Variants in AP3B1 observed in about 807,000 individuals in gnomAD.
The protein encoded by AP3B1 is adaptor related protein complex 3 subunit beta 1.
AP3B1 carries 61 observed loss-of-function variants against 132.5 expected under a neutral mutation model. The observed-to-expected ratio is 0.46, with a 90% CI of 0.37 to 0.57. The LOEUF is 0.57. Among genes scored for constraint, AP3B1 ranks in the 20% least tolerant of loss-of-function variants. The probability of loss-of-function intolerance (pLI) is 0.00; values close to 1 mark genes in which losing one functional copy is unlikely to be tolerated. For synonymous variants in AP3B1, 388 were observed against 438.3 expected, an observed-to-expected ratio of 0.89 and a Z score of 1.43; for missense variants, 1,120 against 1,289.4, an observed-to-expected ratio of 0.87 and a Z score of 2.01.
At chr5:78,260,182 G>GA (rs200235906) in intron 2 of AP3B1, among the ~76,000 whole-genome samples, 26 of 150,008 alleles carry the variant, frequency 1.7e-4, no homozygotes, top group African/African-American at 5.6e-4. Context: ...TTTTCCCATG[G>GA]AAAAAAAAAT....
chr5:78,214,886 C>T (rs10474529), intron 7 of AP3B1, among the ~76,000 whole-genome samples: 41,444 of 151,924 alleles, frequency 0.27, 5,857 homozygotes, highest in Middle Eastern at 0.34. Flanking sequence ...TCAAAACATA[C>T]TTCAATTTTT....
intron 7 of AP3B1, among the ~76,000 whole-genome samples, chr5:78,207,281 ATC>A (rs1327049152): frequency 1.4e-5 from 2 of 146,744 alleles, no homozygotes; most frequent in Non-Finnish European, 3.0e-5. Flanking sequence ...AAAAAAAATT[ATC>A]AAGTATGATG....
At chr5:78,049,862 G>A (rs1262573797) in intron 22 of AP3B1, among the ~76,000 whole-genome samples, 1 of 152,058 alleles carries the variant, frequency 6.6e-6, no homozygotes, top group East Asian at 1.9e-4. Flanking sequence ...ACCAAACTCC[G>A]TGATATGAGT....
chr5:78,229,973 C>T (rs1360882545), intron 3 of AP3B1, among the ~76,000 whole-genome samples: 1 of 152,068 alleles, frequency 6.6e-6, no homozygotes, highest in Non-Finnish European at 1.5e-5. Context: ...AGTTCCTCTA[C>T]CATCCTGTTT....
chr5:78,059,191 C>T (rs1202078821), intron 22 of AP3B1, among the ~76,000 whole-genome samples: 1 of 152,180 alleles, frequency 6.6e-6, no homozygotes, highest in African/African-American at 2.4e-5. Flanking sequence ...ATGAAAACAA[C>T]TCAATTGGCC....
intron 22 of AP3B1, among the ~76,000 whole-genome samples, chr5:78,045,253 C>T (rs564490751): frequency 2.0e-4 from 31 of 151,990 alleles, no homozygotes; most frequent in Non-Finnish European, 3.8e-4. Flanking sequence ...TGGTGGCATG[C>T]ACCTGTAATT....
At chr5:78,117,439 A>G (rs1751904353) in intron 17 of AP3B1, among the ~76,000 whole-genome samples, 1 of 151,468 alleles carries the variant, frequency 6.6e-6, no homozygotes, top group Non-Finnish European at 1.5e-5. Context: ...CCTCCCAAGT[A>G]GCTGGGATCA....
Position 78,162,834 on chromosome 5 carries a change from G to GCAGA in AP3B1, c.1344_1347dup (p.Leu450SerfsTer7), listed in dbSNP as rs755854928. Reference sequence around the variant, plus strand: ...GTAAACTTACCATCCCTGTTGGACAGCAGACAGACCAAGCCATTGAGGCAC... The same window carrying GCAGA: ...GTAAACTTACCATCCCTGTTGGACAGCAGACAGACAGACCAAGCCATTGAGGCAC... On this transcript the variant is annotated frameshift_variant, in exon 13 of 27. Transcript: ENST00000255194. LOFTEE classifies it high-confidence loss of function. The GCAGA allele has an allele frequency of 6.2e-7, 1 of 1,613,922 alleles. No homozygotes were observed. The highest frequency in any genetic ancestry group is 8.5e-7 in the Non-Finnish European group (1 of 1,179,894).
intron 13 of AP3B1, among the ~76,000 whole-genome samples, chr5:78,158,193 T>C (rs966145871): frequency 6.6e-6 from 1 of 152,194 alleles, no homozygotes; most frequent in African/African-American, 2.4e-5. Flanking sequence ...TAATATTGAC[T>C]GGGCACAGTG....
At chr5:78,108,932 C>A (rs1270222532) in intron 20 of AP3B1, among the ~76,000 whole-genome samples, 3 of 152,142 alleles carry the variant, frequency 2.0e-5, no homozygotes, top group Admixed American at 2.0e-4. Flanking sequence ...CCACTTGACA[C>A]TCACTGATTT....
chr5:78,117,735 A>C (rs993870933), intron 17 of AP3B1, among the ~76,000 whole-genome samples: 11 of 152,222 alleles, frequency 7.2e-5, no homozygotes, highest in African/African-American at 2.4e-4. Context: ...TGTTTACTAA[A>C]TATTGTATTA....
At chr5:78,102,111 T>C (rs1467511396) in intron 20 of AP3B1, among the ~76,000 whole-genome samples, 1 of 152,102 alleles carries the variant, frequency 6.6e-6, no homozygotes, top group Non-Finnish European at 1.5e-5. Flanking sequence ...CTATAGCTTA[T>C]TGCTAATGTG....
Position 78,015,718 on chromosome 5 carries a change from A to C in AP3B1, c.2993-170T>G. On this transcript the variant is annotated intron_variant, in intron 25 of 26. Transcript: ENST00000255194. ...ACTAAAACAAAATGCAATTGTTTCG[A>C]AGTTTTTTAAAATCCTCATTGTATA... 3 of 646,866 alleles carry C rather than the reference A, an allele frequency of 4.6e-6. No homozygotes were observed. The South Asian group carries it at 5.9e-5, about 13-fold the overall frequency. 40.1% of individuals were successfully genotyped at this position (646,866 alleles called of 1,614,324 possible).
At chr5:78,245,630 G>A (rs1747348075) in intron 2 of AP3B1, among the ~76,000 whole-genome samples, 1 of 152,138 alleles carries the variant, frequency 6.6e-6, no homozygotes, top group Admixed American at 6.5e-5. Context: ...ACCTCAGTTT[G>A]AAAGCGGGCA....
At chr5:78,053,722 G>A (rs1748689575) in intron 22 of AP3B1, among the ~76,000 whole-genome samples, 1 of 149,960 alleles carries the variant, frequency 6.7e-6, no homozygotes, top group African/African-American at 2.4e-5. Context: ...GTCCCCCTCA[G>A]GTAACCATAA....
intron 24 of AP3B1, among the ~76,000 whole-genome samples, chr5:78,031,078 C>T (rs1262295084): frequency 6.6e-6 from 1 of 152,152 alleles, no homozygotes; most frequent in African/African-American, 2.4e-5. Context: ...ATCCTTCTAA[C>T]TTTCCTTATT....
chr5:78,136,078 C>T (rs1223728644), intron 15 of AP3B1, among the ~76,000 whole-genome samples: 2 of 151,824 alleles, frequency 1.3e-5, no homozygotes, highest in Middle Eastern at 3.2e-3. Context: ...GTAGGATAAA[C>T]CCAAATCAGT....
intron 19 of AP3B1, among the ~76,000 whole-genome samples, chr5:78,110,791 T>C (rs1192229301): frequency 1.3e-5 from 2 of 148,358 alleles, no homozygotes; most frequent in African/African-American, 4.9e-5. Flanking sequence ...TATATACGTA[T>C]ATGAGACAGG....
intron 1 of AP3B1, among the ~76,000 whole-genome samples, chr5:78,272,756 A>T (rs1458092491): frequency 6.8e-6 from 1 of 147,516 alleles, no homozygotes; most frequent in East Asian, 2.0e-4. Flanking sequence ...TAAGAGAGTT[A>T]GTTATGCAGA....
Sources: allele counts gnomAD v4.1 joint callset (sites outside exome capture counted in the v4.1 genomes callset), GRCh38; gene constraint gnomAD v4.1.1; transcripts MANE v1.5; gene names NCBI Gene and HGNC (gene_info 2026-07-23, HGNC 2026-07-21).